The following CUEDC1 variants were observed in gnomAD, a reference collection of about 807,000 sequenced individuals.
CUEDC1 encodes the protein CUE domain containing 1, also known as CUE domain-containing protein 1.
CUEDC1 carries 30 observed loss-of-function variants against 43.7 expected under a neutral mutation model. The observed-to-expected ratio is 0.69, with a 90% CI of 0.51 to 0.93. The LOEUF is 0.93. CUEDC1 is among the 40% of genes least tolerant of loss of function. The pLI, the probability that CUEDC1 is intolerant of heterozygous loss-of-function variation, is 0.00. For synonymous variants in CUEDC1, 223 were observed against 223.6 expected, an observed-to-expected ratio of 1.00 and a Z score of 0.02; for missense variants, 486 against 549.0, an observed-to-expected ratio of 0.89 and a Z score of 1.15.
chr17:57,875,151 C>T (rs1379583913), intron 3 of CUEDC1, among the ~76,000 whole-genome samples: 1 of 152,160 alleles, frequency 6.6e-6, no homozygotes, highest in Admixed American at 6.5e-5. Context: ...GAGGAAGCCT[C>T]ATCTCTAAGG....
chr17:57,939,916 C>T (rs1378852357), intron 1 of CUEDC1, among the ~76,000 whole-genome samples: 2 of 152,126 alleles, frequency 1.3e-5, no homozygotes, highest in African/African-American at 2.4e-5. Flanking sequence ...AGAACAGCTG[C>T]GTCAGCCACC....
At chr17:57,902,642 G>A (rs1285027925) in intron 1 of CUEDC1, among the ~76,000 whole-genome samples, 4 of 152,222 alleles carry the variant, frequency 2.6e-5, no homozygotes, top group African/African-American at 9.7e-5. Context: ...AGAATCCCAA[G>A]ATAGATTATC....
chr17:57,928,537 ACT>A (rs1489478363), intron 1 of CUEDC1, among the ~76,000 whole-genome samples: 1 of 113,722 alleles, frequency 8.8e-6, no homozygotes, highest in Non-Finnish European at 1.7e-5. Flanking sequence ...ACAGAGTGAG[ACT>A]CTGTCTCAAA....
intron 1 of CUEDC1, among the ~76,000 whole-genome samples, chr17:57,907,451 G>T (rs1353221712): frequency 6.6e-6 from 1 of 152,076 alleles, no homozygotes; most frequent in Admixed American, 6.6e-5. Flanking sequence ...ATGCTCCCAG[G>T]TTCAGGGTAG....
intron 1 of CUEDC1, among the ~76,000 whole-genome samples, chr17:57,896,767 C>CTTTTTTTTTTTTTT (rs747788787): frequency 4.8e-4 from 54 of 112,264 alleles, no homozygotes; most frequent in Non-Finnish European, 6.3e-4. Context: ...TTTCTTCTTT[C>CTTTTTTTTTTTTTT]TTTTTTTTTT....
intron 10 of CUEDC1, among the ~76,000 whole-genome samples, chr17:57,864,045 T>G (rs1398772704): frequency 6.8e-6 from 1 of 148,116 alleles, no homozygotes; most frequent in East Asian, 2.0e-4. Context: ...AAAAAAAAGA[T>G]TCATTCAAAG....
At chr17:57,880,805 C>T (rs1347039478) in intron 2 of CUEDC1, among the ~76,000 whole-genome samples, 1 of 146,838 alleles carries the variant, frequency 6.8e-6, no homozygotes, top group African/African-American at 2.5e-5. Context: ...TGGGGTTTCA[C>T]CATGTTGGCC....
Position 57,861,357 on chromosome 17 carries a change from T to C in CUEDC1, c.*1932A>G, listed in dbSNP as rs1380907103. ...TGATACAGCAAGCGGTTTACAGTCC[T>C]GGGCCAAACAGGAAGGCGACAGCGC... is the stretch of plus-strand genomic sequence containing the variant. On this transcript the variant is annotated 3_prime_UTR_variant, in exon 11 of 11. Transcript: ENST00000577830. 6.6e-6 allele frequency: 1 copy of C among 152,236 alleles called. No homozygotes were observed. Among genetic ancestry groups the C allele is most frequent in the African/African-American group, 2.4e-5 (1 of 41,450 alleles). The allele number at this position is 152,236 out of a possible 1,614,324, so 9.4% of individuals were successfully genotyped here.
At chr17:57,867,481 A>G in intron 8 of CUEDC1, 66 bp from the exon 9 acceptor site, 1 of 1,407,774 alleles carries the variant, frequency 7.1e-7, no homozygotes, top group African/African-American at 1.4e-5. Context: ...TCCCAGTCCC[A>G]CTGACTCTCT....
intron 2 of CUEDC1, among the ~76,000 whole-genome samples, chr17:57,881,267 C>T (rs1357888846): frequency 6.6e-6 from 1 of 152,248 alleles, no homozygotes; most frequent in African/African-American, 2.4e-5. Context: ...GGAGGCCTCC[C>T]GCCCTGGAAT....
At chr17:57,877,393 G>GC (rs2074140600) in intron 3 of CUEDC1, among the ~76,000 whole-genome samples, 1 of 152,158 alleles carries the variant, frequency 6.6e-6, no homozygotes, top group Non-Finnish European at 1.5e-5. Context: ...TATTTGGGAG[G>GC]CTGAGGCGGG....
chr17:57,868,580 G>C, intron 7 of CUEDC1: 1 of 374,360 alleles, frequency 2.7e-6, no homozygotes, highest in South Asian at 2.8e-5. Context: ...CGCCGCCACC[G>C]CCTTCCCGCC....
intron 1 of CUEDC1, among the ~76,000 whole-genome samples, chr17:57,887,385 CT>C (rs1259251915): frequency 2.6e-5 from 4 of 152,152 alleles, no homozygotes; most frequent in Non-Finnish European, 5.9e-5. Context: ...ACAGTGGCAG[CT>C]TTATTTTAAG....
intron 1 of CUEDC1, among the ~76,000 whole-genome samples, chr17:57,921,873 G>T (rs564033269): frequency 3.3e-5 from 5 of 152,278 alleles, no homozygotes; most frequent in African/African-American, 1.2e-4. Context: ...AGCACTTTAG[G>T]AGGCCAAGAT....
chr17:57,868,673 C>T (rs911008670), intron 7 of CUEDC1, among the ~76,000 whole-genome samples: 1 of 152,114 alleles, frequency 6.6e-6, no homozygotes, highest in African/African-American at 2.4e-5. Flanking sequence ...CTGAAAGGAT[C>T]GCAGCCTCAT....
chr17:57,917,539 C>T (rs951855086), intron 1 of CUEDC1, among the ~76,000 whole-genome samples: 26 of 152,224 alleles, frequency 1.7e-4, no homozygotes, highest in African/African-American at 5.8e-4. Context: ...ACTTACTGAG[C>T]ATGCCATGTG....
chr17:57,934,408 A>G (rs533909511), intron 1 of CUEDC1, among the ~76,000 whole-genome samples: 1 of 151,820 alleles, frequency 6.6e-6, no homozygotes, highest in East Asian at 1.9e-4. Flanking sequence ...AAAAATAAAA[A>G]TAGCCGGACA....
chr17:57,868,500 C>T, intron 7 of CUEDC1: 1 of 522,664 alleles, frequency 1.9e-6, no homozygotes, highest in Non-Finnish European at 3.5e-6. Flanking sequence ...CCAGGGACCG[C>T]AGGCGGCTCA....
intron 1 of CUEDC1, among the ~76,000 whole-genome samples, chr17:57,913,005 C>CTTACATTAA (rs1233924956): frequency 1.4e-4 from 21 of 152,096 alleles, no homozygotes; most frequent in Non-Finnish European, 1.5e-5. Context: ...CCAGGACCAG[C>CTTACATTAA]TGCTTACATT....
Sources: gnomAD v4.1 joint callset for allele counts (sites outside exome capture counted in the v4.1 genomes callset) on GRCh38, gnomAD v4.1.1 for gene constraint, MANE v1.5 for transcripts, NCBI Gene and HGNC (gene_info 2026-07-23, HGNC 2026-07-21) for gene names.